CHCHD6: variants seen among roughly 807,000 people sequenced by gnomAD.
CHCHD6 encodes the protein MICOS complex subunit MIC25.
In CHCHD6, 28 loss-of-function variants were observed where a neutral mutation model predicts 32.3. The observed-to-expected ratio is 0.87, with a 90% CI of 0.64 to 1.19. The LOEUF is 1.19. Ranked by LOEUF, CHCHD6 falls within the 50% of genes most tolerant of loss-of-function variation. CHCHD6 has a pLI of 0.00. For missense variants in CHCHD6, 333 were observed against 307.0 expected, an observed-to-expected ratio of 1.08 and a Z score of -0.63; for synonymous variants, 122 against 117.5, an observed-to-expected ratio of 1.04 and a Z score of -0.25.
chr3:126,808,066 T>C (rs556985709), intron 4 of CHCHD6, among the ~76,000 whole-genome samples: 1 of 152,358 alleles, frequency 6.6e-6, no homozygotes, highest in African/African-American at 2.4e-5. Flanking sequence ...TCACTTGCCT[T>C]TGGATCATGC....
intron 5 of CHCHD6, among the ~76,000 whole-genome samples, chr3:126,909,199 C>T (rs560979998): frequency 3.9e-5 from 6 of 152,222 alleles, no homozygotes; most frequent in East Asian, 3.8e-4. Context: ...AAAAGTTGCT[C>T]TCCCCAATGT....
chr3:126,733,721 A>T (rs1362032330), intron 4 of CHCHD6, among the ~76,000 whole-genome samples: 3 of 152,192 alleles, frequency 2.0e-5, no homozygotes, highest in Admixed American at 6.5e-5. Flanking sequence ...AGGGAATCAG[A>T]GGAGATAGTA....
chr3:126,723,789 G>A (rs933349646), intron 1 of CHCHD6, among the ~76,000 whole-genome samples: 3 of 152,176 alleles, frequency 2.0e-5, no homozygotes, highest in Admixed American at 6.5e-5. Flanking sequence ...GTACATGGGG[G>A]AGTAGTTTTC....
intron 4 of CHCHD6, among the ~76,000 whole-genome samples, chr3:126,806,089 A>G (rs1439124818): frequency 6.6e-6 from 1 of 152,266 alleles, no homozygotes. Flanking sequence ...ACCTAAAACC[A>G]TAAAAACCCT....
chr3:126,769,871 A>G (rs1357203453), intron 4 of CHCHD6, among the ~76,000 whole-genome samples: 1 of 152,236 alleles, frequency 6.6e-6, no homozygotes, highest in Non-Finnish European at 1.5e-5. Context: ...TCTGTGAAGA[A>G]TATCATTGGT....
intron 5 of CHCHD6, among the ~76,000 whole-genome samples, chr3:126,866,138 A>G (rs905152969): frequency 6.6e-6 from 1 of 152,046 alleles, no homozygotes; most frequent in African/African-American, 2.4e-5. Context: ...TAAAATAGGA[A>G]TCTTAGTAGT....
chr3:126,892,941 T>TTTG (rs999523484), intron 5 of CHCHD6, among the ~76,000 whole-genome samples: 15 of 151,740 alleles, frequency 9.9e-5, no homozygotes, highest in South Asian at 2.1e-4. Flanking sequence ...TTTTTCTTTT[T>TTTG]TTGTTGTTGT....
intron 5 of CHCHD6, among the ~76,000 whole-genome samples, chr3:126,899,779 C>A (rs924096032): frequency 6.6e-6 from 1 of 152,142 alleles, no homozygotes; most frequent in Non-Finnish European, 1.5e-5. Flanking sequence ...GCAGTGCAGC[C>A]GAGAGGAAAA....
intron 4 of CHCHD6, among the ~76,000 whole-genome samples, chr3:126,832,596 A>T (rs1940689508): frequency 6.6e-6 from 1 of 152,224 alleles, no homozygotes; most frequent in Non-Finnish European, 1.5e-5. Context: ...TTTACAAAGG[A>T]AGAATGGTAT....
At chr3:126,871,772 TCTC>T (rs1404878575) in intron 5 of CHCHD6, among the ~76,000 whole-genome samples, 2 of 150,852 alleles carry the variant, frequency 1.3e-5, no homozygotes, top group Non-Finnish European at 2.9e-5. Flanking sequence ...TTCAAGCAAT[TCTC>T]CTGCCTCAGC....
intron 6 of CHCHD6, among the ~76,000 whole-genome samples, chr3:126,931,123 A>G (rs1175116787): frequency 6.6e-6 from 1 of 152,086 alleles, no homozygotes; most frequent in Non-Finnish European, 1.5e-5. Flanking sequence ...GCCAAGGGAA[A>G]CATGAGGCTT....
chr3:126,744,472 C>T lies in CHCHD6; in HGVS notation c.411+11250C>T, dbSNP rs147896632. Among the ~76,000 whole-genome samples the T allele has an allele frequency of 9.8e-5, 15 of 152,296 alleles. No individual in the cohort carries two copies. In the East Asian group the frequency reaches 2.9e-3, roughly 29 times the overall value. ...ACCTTTGTCTACTTGGTGGGTGAGCCAGGGCCCTATCTCCTGTGTGTTGGC... is the reference window on the plus strand; with the variant it reads ...ACCTTTGTCTACTTGGTGGGTGAGCTAGGGCCCTATCTCCTGTGTGTTGGC... On this transcript the variant is annotated intron_variant, in intron 4 of 7. Transcript: ENST00000290913.
chr3:126,745,269 C>T (rs901185487), intron 4 of CHCHD6, among the ~76,000 whole-genome samples: 3 of 152,272 alleles, frequency 2.0e-5, no homozygotes, highest in Non-Finnish European at 4.4e-5. Flanking sequence ...TGTGGCTTAG[C>T]GAAGCCCAGC....
At chr3:126,754,705 C>T (rs1936878863) in intron 4 of CHCHD6, among the ~76,000 whole-genome samples, 1 of 152,204 alleles carries the variant, frequency 6.6e-6, no homozygotes, top group South Asian at 2.1e-4. Context: ...GCTAGGAACC[C>T]TGATGTCTCT....
chr3:126,896,320 A>C (rs2077838420), intron 5 of CHCHD6, among the ~76,000 whole-genome samples: 1 of 152,170 alleles, frequency 6.6e-6, no homozygotes, highest in Non-Finnish European at 1.5e-5. Context: ...CTTTGTCAAA[A>C]AGTACTTTAG....
At chr3:126,789,892 G>A (rs574193591) in intron 4 of CHCHD6, among the ~76,000 whole-genome samples, 22 of 126,654 alleles carry the variant, frequency 1.7e-4, no homozygotes, top group Admixed American at 1.5e-3. Context: ...TATTTTGCTC[G>A]TTAGTTGATG....
At chr3:126,852,073 CTG>C (rs938385722) in intron 4 of CHCHD6, among the ~76,000 whole-genome samples, 7 of 152,212 alleles carry the variant, frequency 4.6e-5, no homozygotes, top group African/African-American at 1.4e-4. Flanking sequence ...CCAGCTGACT[CTG>C]TGCGTGTCTT....
intron 4 of CHCHD6, among the ~76,000 whole-genome samples, chr3:126,757,057 G>A (rs987901163): frequency 2.8e-4 from 43 of 152,250 alleles, no homozygotes; most frequent in African/African-American, 8.7e-4. Context: ...AACCACACGC[G>A]TATTTGTTTT....
At chr3:126,895,311 A>G (rs1327466257) in intron 5 of CHCHD6, among the ~76,000 whole-genome samples, 3 of 152,224 alleles carry the variant, frequency 2.0e-5, no homozygotes, top group African/African-American at 4.8e-5. Flanking sequence ...TCTGAGAGCT[A>G]TTTAGAAGGA....
Sources: allele counts gnomAD v4.1 joint callset (sites outside exome capture counted in the v4.1 genomes callset), GRCh38; gene constraint gnomAD v4.1.1; transcripts MANE v1.5; gene names NCBI Gene and HGNC (gene_info 2026-07-23, HGNC 2026-07-21).